PPM1H: variants seen among roughly 807,000 people sequenced by gnomAD.
PPM1H encodes the protein protein phosphatase, Mg2+/Mn2+ dependent 1H, also known as protein phosphatase 1H.
PPM1H carries 27 observed loss-of-function variants against 54.9 expected under a neutral mutation model. That is an observed-to-expected ratio of 0.49 (90% CI 0.36 to 0.68). The LOEUF (loss-of-function observed/expected upper bound fraction) is 0.68, where lower values mean the gene tolerates loss of function less well. PPM1H is among the 30% of genes least tolerant of loss of function. PPM1H has a pLI of 0.00. For missense variants in PPM1H, 596 were observed against 667.8 expected, an observed-to-expected ratio of 0.89 and a Z score of 1.19; for synonymous variants, 305 against 270.8, an observed-to-expected ratio of 1.13 and a Z score of -1.24.
At chr12:62,739,000 G>C (rs1007466449) in intron 4 of PPM1H, among the ~76,000 whole-genome samples, 2 of 151,404 alleles carry the variant, frequency 1.3e-5, no homozygotes, top group African/African-American at 2.4e-5. Context: ...CGGGGGCGGC[G>C]GAGGGGCGGG....
At position 62,732,374 on chromosome 12, in the gene PPM1H, G is replaced by A. The variant is rs181581312; in HGVS notation, c.954+5128C>T. Among the ~76,000 whole-genome samples, 21 of 152,216 alleles carry A rather than the reference G, an allele frequency of 1.4e-4. 1 individual carries two copies. The East Asian group carries it at 2.5e-3, about 18-fold the overall frequency. On this transcript the variant is annotated intron_variant, in intron 5 of 9. Coordinates refer to ENST00000228705, the MANE Select transcript of PPM1H (RefSeq NM_020700.2). ...ATCTGCTTCCAGTTCCATAATCCCC[G>A]AATGTCCAGACTGTGCATACCAAGA...
At chr12:62,701,505 C>T (rs921949231) in intron 6 of PPM1H, among the ~76,000 whole-genome samples, 2 of 152,190 alleles carry the variant, frequency 1.3e-5, no homozygotes, top group Non-Finnish European at 2.9e-5. Flanking sequence ...GCTAGCAAAT[C>T]TCCCACATTT....
chr12:62,668,525 G>A (rs191912761), intron 8 of PPM1H, among the ~76,000 whole-genome samples: 1 of 152,272 alleles, frequency 6.6e-6, no homozygotes, highest in East Asian at 1.9e-4. Flanking sequence ...ACAGGTGCAT[G>A]CCACTACACC....
intron 1 of PPM1H, among the ~76,000 whole-genome samples, chr12:62,835,362 G>A (rs1441781055): frequency 6.6e-6 from 1 of 152,214 alleles, no homozygotes; most frequent in African/African-American, 2.4e-5. Flanking sequence ...ACTGGCGCAA[G>A]GTCACACAGC....
chr12:62,912,542 T>A (rs963821111), intron 1 of PPM1H, among the ~76,000 whole-genome samples: 2 of 152,078 alleles, frequency 1.3e-5, no homozygotes, highest in African/African-American at 4.8e-5. Context: ...TTAATGGCCA[T>A]CACACGAGAT....
intron 2 of PPM1H, among the ~76,000 whole-genome samples, chr12:62,824,217 A>G (rs1022302434): frequency 2.6e-5 from 4 of 152,226 alleles, no homozygotes; most frequent in Admixed American, 6.5e-5. Flanking sequence ...CTCTTCAAGG[A>G]AAACTACAAA....
chr12:62,731,328 T>C (rs1220082917), intron 5 of PPM1H, among the ~76,000 whole-genome samples: 1 of 152,182 alleles, frequency 6.6e-6, no homozygotes, highest in African/African-American at 2.4e-5. Flanking sequence ...AAACTGTCTC[T>C]TTCTGAATAA....
rs1464808456 is a variant in PPM1H at position 62,646,651 on chromosome 12, G to A, written c.*1838C>T. On this transcript the variant is annotated 3_prime_UTR_variant, in exon 10 of 10. Coordinates refer to ENST00000228705, the MANE Select transcript of PPM1H (RefSeq NM_020700.2). ...CTACTGCAGGAGGAAGAAACGTGCT[G>A]CAGATGAAGACAACTCCTGACAAGG... is the stretch of plus-strand genomic sequence containing the variant. 8 of 152,260 alleles carry A rather than the reference G, an allele frequency of 5.3e-5. No individual in the cohort carries two copies. Among genetic ancestry groups the A allele is most frequent in the African/African-American group, 1.9e-4 (8 of 41,456 alleles). 9.4% of individuals were successfully genotyped at this position (152,260 alleles called of 1,614,324 possible). A position where few individuals can be genotyped will look rare whatever the true frequency, so the allele number is the denominator to read the frequency against.
rs142640375 is a variant in PPM1H, at chr12:62,797,149, A to G, written c.756+4667T>C. On this transcript the variant is annotated intron_variant, in intron 3 of 9. Coordinates refer to ENST00000228705, the MANE Select transcript of PPM1H (RefSeq NM_020700.2). ...GGTAGACAGAAACAAAGAGAGTCCA[A>G]AGAATTCTGATTCCACATTGTTGAG... Among the ~76,000 whole-genome samples, 322 of 152,286 alleles carry G rather than the reference A, an allele frequency of 2.1e-3. 4 individuals carry two copies. The highest frequency in any genetic ancestry group is 7.5e-3 in the African/African-American group (310 of 41,578).
intron 1 of PPM1H, among the ~76,000 whole-genome samples, chr12:62,910,320 T>C (rs760852089): frequency 2.6e-5 from 4 of 152,198 alleles, no homozygotes; most frequent in Non-Finnish European, 5.9e-5. Flanking sequence ...ATTAATCAGT[T>C]TAAGATGTGC....
intron 4 of PPM1H, among the ~76,000 whole-genome samples, chr12:62,744,529 TAGTA>T (rs1170426488): frequency 6.6e-6 from 1 of 150,716 alleles, no homozygotes; most frequent in Non-Finnish European, 1.5e-5. Context: ...ATCCATGATA[TAGTA>T]AGTGAGAAAA....
intron 4 of PPM1H, among the ~76,000 whole-genome samples, chr12:62,762,357 G>T (rs766533903): frequency 6.6e-5 from 10 of 152,200 alleles, no homozygotes; most frequent in Non-Finnish European, 1.5e-4. Context: ...ACTCCAGATA[G>T]CCAAGGAGCA....
intron 6 of PPM1H, among the ~76,000 whole-genome samples, chr12:62,713,766 T>C (rs2120433670): frequency 6.6e-6 from 1 of 152,096 alleles, no homozygotes; most frequent in East Asian, 1.9e-4. Context: ...CCCAGGAGTT[T>C]GAGACCAGTC....
At chr12:62,788,076 G>T in intron 4 of PPM1H, 150 bp downstream of exon 4, 1 of 617,918 alleles carries the variant, frequency 1.6e-6, no homozygotes, top group Non-Finnish European at 2.8e-6. Flanking sequence ...CCTTTACCTT[G>T]TAATATCAAC....
intron 1 of PPM1H, among the ~76,000 whole-genome samples, chr12:62,870,353 T>C (rs897423437): frequency 2.0e-5 from 3 of 152,042 alleles, no homozygotes; most frequent in Non-Finnish European, 2.9e-5. Context: ...TGGGTAACCA[T>C]AGAGGGGTTT....
chr12:62,850,690 A>G, intron 1 of PPM1H: 2 of 148,338 alleles, frequency 1.3e-5, no homozygotes, highest in Middle Eastern at 7.1e-3. Context: ...TTCTAGTAAC[A>G]TATAGGTAAA....
chr12:62,663,627 T>C (rs990198632), intron 9 of PPM1H, among the ~76,000 whole-genome samples: 9 of 152,150 alleles, frequency 5.9e-5, no homozygotes, highest in African/African-American at 9.7e-5. Flanking sequence ...GGTATTATGG[T>C]TATAATTGTA....
intron 3 of PPM1H, among the ~76,000 whole-genome samples, chr12:62,790,859 C>T (rs1256462029): frequency 6.6e-6 from 1 of 152,152 alleles, no homozygotes; most frequent in Non-Finnish European, 1.5e-5. Flanking sequence ...TTTACTTCAA[C>T]TGTGTATAAA....
chr12:62,751,087 A>G (rs163681), intron 4 of PPM1H, among the ~76,000 whole-genome samples: 6,821 of 152,298 alleles, frequency 0.045, 508 homozygotes, highest in African/African-American at 0.16. Context: ...TCTCTACTGC[A>G]GTCTATTTAT....
Sources: gnomAD v4.1 joint callset for allele counts (sites outside exome capture counted in the v4.1 genomes callset) on GRCh38, gnomAD v4.1.1 for gene constraint, MANE v1.5 for transcripts, NCBI Gene and HGNC (gene_info 2026-07-23, HGNC 2026-07-21) for gene names.